CPNE5: variants seen among roughly 807,000 people sequenced by gnomAD.
The protein encoded by CPNE5 is copine 5.
Under a neutral mutation model 81.1 loss-of-function variants are expected in CPNE5, and 42 were observed. The ratio of observed to expected loss-of-function variants is 0.52; its 90% CI spans 0.40 to 0.67. CPNE5 has a LOEUF of 0.67. Among genes scored for constraint, CPNE5 ranks in the 30% least tolerant of loss-of-function variants. The pLI is 0.00. For synonymous variants in CPNE5, 313 were observed against 321.5 expected, an observed-to-expected ratio of 0.97 and a Z score of 0.28; for missense variants, 612 against 815.5, an observed-to-expected ratio of 0.75 and a Z score of 3.04.
chr6:36,832,957 G>C (rs1438587699), intron 1 of CPNE5, among the ~76,000 whole-genome samples: 1 of 152,200 alleles, frequency 6.6e-6, no homozygotes, highest in Non-Finnish European at 1.5e-5. Context: ...GTGACTTTTT[G>C]TGGTTTCTGC....
chr6:36,828,948 C>T (rs1017075643), intron 1 of CPNE5, among the ~76,000 whole-genome samples: 1 of 152,200 alleles, frequency 6.6e-6, no homozygotes, highest in Non-Finnish European at 1.5e-5. Flanking sequence ...AACAGTCCCC[C>T]CCTCCCAGGA....
chr6:36,800,118 CGGCTGGTGGGGCA>C, intron 3 of CPNE5, 48 bp from the exon 4 acceptor site: 1 of 1,415,366 alleles, frequency 7.1e-7, no homozygotes, highest in South Asian at 1.2e-5. Flanking sequence ...CTGGTGGGGC[CGGCTGGTGGGGCA>C]GGGGAGAGCA....
intron 8 of CPNE5, among the ~76,000 whole-genome samples, chr6:36,789,071 A>G (rs748125301): frequency 6.6e-5 from 10 of 152,196 alleles, no homozygotes; most frequent in Non-Finnish European, 8.8e-5. Context: ...AGCTGTTCAG[A>G]TGTAATTATT....
At chr6:36,791,955 A>T in intron 8 of CPNE5, 78 bp downstream of exon 8, 2 of 1,294,592 alleles carry the variant, frequency 1.5e-6, no homozygotes, top group Non-Finnish European at 2.2e-6. Context: ...GGTTCCCTCC[A>T]GGGGCTCAGG....
intron 1 of CPNE5, among the ~76,000 whole-genome samples, chr6:36,832,740 T>A (rs1773069097): frequency 1.7e-5 from 2 of 118,506 alleles, no homozygotes; most frequent in South Asian, 5.3e-4. Flanking sequence ...TACCTACAGC[T>A]GAATCATTCC....
At chr6:36,786,346 A>T (rs1387962578) in intron 8 of CPNE5, among the ~76,000 whole-genome samples, 1 of 152,196 alleles carries the variant, frequency 6.6e-6, no homozygotes, top group Admixed American at 6.5e-5. Context: ...GTGGGCACAG[A>T]AGCTGGTCTG....
In CPNE5 at chr6:36,814,764, G is replaced by GA. The variant is rs561295310; in HGVS notation, c.183+7349dup. Among the ~76,000 whole-genome samples the GA allele has an allele frequency of 6.3e-4, 96 of 152,286 alleles. 1 individual carries two copies. The South Asian group carries it at 0.017, about 27-fold the overall frequency. ...GTAAAGGGACAGAAAACAGTGATATGAAAAGCTTCAGTTTCCTCCTCTGTC... is the reference window on the plus strand; with the variant it reads ...GTAAAGGGACAGAAAACAGTGATATGAAAAAGCTTCAGTTTCCTCCTCTGTC... On this transcript the variant is annotated intron_variant, in intron 3 of 20. Coordinates refer to ENST00000244751, the MANE Select transcript of CPNE5 (RefSeq NM_020939.2).
intron 1 of CPNE5, among the ~76,000 whole-genome samples, chr6:36,825,797 C>A (rs78041133): frequency 0.013 from 1,927 of 152,218 alleles, 52 homozygotes; most frequent in African/African-American, 0.044. Flanking sequence ...GCCTTGAGAC[C>A]AAAGGTGACT....
Position 36,798,504 on chromosome 6 carries a change from A to G in CPNE5, c.288-10T>C. 6.2e-7 allele frequency: 1 copy of G among 1,613,862 alleles called. No homozygotes were observed. The highest frequency in any genetic ancestry group is 8.5e-7 in the Non-Finnish European group (1 of 1,179,756). On this transcript the variant is annotated splice_polypyrimidine_tract_variant and intron_variant, in intron 4 of 20. Coordinates refer to ENST00000244751, the MANE Select transcript of CPNE5 (RefSeq NM_020939.2). ...AGAGTCAACGTCGTATCTGCAGGGA[A>G]CACAGAGAAACGATGAAGGCAGCTG...
intron 15 of CPNE5, among the ~76,000 whole-genome samples, chr6:36,747,111 C>T (rs1284547421): frequency 6.6e-6 from 1 of 152,160 alleles, no homozygotes; most frequent in African/African-American, 2.4e-5. Context: ...CACTCTTCCC[C>T]AGATGTCCAC....
intron 5 of CPNE5, 88 bp downstream of exon 5, chr6:36,798,367 C>T: frequency 1.3e-6 from 2 of 1,516,836 alleles, no homozygotes; most frequent in South Asian, 1.1e-5. Flanking sequence ...GTCGGACACA[C>T]ATTCCATCAC....
chr6:36,808,092 TTTTTTC>T (rs977738291), intron 3 of CPNE5, among the ~76,000 whole-genome samples: 3 of 132,924 alleles, frequency 2.3e-5, no homozygotes, highest in African/African-American at 9.4e-5. Context: ...ATTTCTTTTC[TTTTTTC>T]TTTTTTTTTT....
At position 36,839,234 on chromosome 6, in the gene CPNE5, C is replaced by A; in HGVS notation, c.95+49G>T. On this transcript the variant is annotated intron_variant, in intron 1 of 20. Transcript: ENST00000244751. This position sits in a 1 kb window ranked among gnomAD's most constrained non-coding sequence, Gnocchi z 7.3. The stretch of plus-strand genomic sequence containing the variant: ...GATCGAAGCGGCAGGGGCCGCGGGG[C>A]TCTGCGTCCAGGGCCGGGGCAAGGG... The A allele has an allele frequency of 7.3e-7, 1 of 1,370,480 alleles. No individual in the cohort carries two copies. The allele number at this position is 1,370,480 out of a possible 1,614,324, so 84.9% of individuals were successfully genotyped here.
chr6:36,783,531 T>C (rs1000614079), intron 8 of CPNE5, among the ~76,000 whole-genome samples: 3 of 152,134 alleles, frequency 2.0e-5, no homozygotes, highest in African/African-American at 7.2e-5. Context: ...GTTCTCTCTC[T>C]CTCTCTCTGT....
chr6:36,780,459 CCTT>C (rs1420838270), intron 8 of CPNE5, among the ~76,000 whole-genome samples: 1 of 152,232 alleles, frequency 6.6e-6, no homozygotes, highest in Non-Finnish European at 1.5e-5. Context: ...TCCCATCCCT[CCTT>C]AGCTGCGTGA....
At chr6:36,786,260 G>T (rs1326328656) in intron 8 of CPNE5, among the ~76,000 whole-genome samples, 1 of 152,118 alleles carries the variant, frequency 6.6e-6, no homozygotes, top group East Asian at 1.9e-4. Context: ...TGGGCTCACG[G>T]GATAGGATGG....
Position 36,765,979 on chromosome 6 carries a change from T to C in CPNE5, c.738-603A>G, listed in dbSNP as rs540718326. ...TTTAATTAGTTTGTTTTGACTCCTA[T>C]GCATGCGGATGGGCTTTGAGAGCCC... On this transcript the variant is annotated intron_variant, in intron 10 of 20. Transcript: ENST00000244751. Among the ~76,000 whole-genome samples the C allele has an allele frequency of 2.6e-5, 4 of 152,334 alleles. No homozygotes were observed. The East Asian group carries it at 7.7e-4, about 29-fold the overall frequency.
intron 1 of CPNE5, among the ~76,000 whole-genome samples, chr6:36,834,475 G>A (rs1485480321): frequency 1.3e-5 from 2 of 151,810 alleles, no homozygotes; most frequent in Non-Finnish European, 2.9e-5. Flanking sequence ...GACCAACATG[G>A]TGAAACCCCG....
intron 8 of CPNE5, among the ~76,000 whole-genome samples, chr6:36,782,868 C>CACAAAA (rs1250161980): frequency 3.5e-5 from 5 of 142,204 alleles, no homozygotes; most frequent in African/African-American, 1.0e-4. Context: ...CACACACACA[C>CACAAAA]AAAACGGCAC....
Sources: allele counts gnomAD v4.1 joint callset (sites outside exome capture counted in the v4.1 genomes callset), GRCh38; gene constraint gnomAD v4.1.1; non-coding constraint Gnocchi (gnomAD v3.1); transcripts MANE v1.5; gene names NCBI Gene and HGNC (gene_info 2026-07-23, HGNC 2026-07-21).